CELA2B: variants seen among roughly 807,000 people sequenced by gnomAD.
CELA2B encodes chymotrypsin-like elastase family member 2B.
A neutral mutation model predicts 36.5 loss-of-function variants in CELA2B; 27 were observed. The ratio of observed to expected loss-of-function variants is 0.74; its 90% CI spans 0.55 to 1.02. CELA2B has a LOEUF of 1.02. Ranked by LOEUF, CELA2B falls within the 50% of genes least tolerant of loss-of-function variation. The probability of loss-of-function intolerance (pLI) is 0.00; values close to 1 mark genes in which losing one functional copy is unlikely to be tolerated. For synonymous variants in CELA2B, 143 were observed against 148.5 expected (o/e 0.96, Z 0.27); for missense variants, 340 against 347.8 (o/e 0.98, Z 0.18).
At chr1:15,478,241 G>T (rs1708697020) in intron 2 of CELA2B, among the ~76,000 whole-genome samples, 1 of 148,996 alleles carries the variant, frequency 6.7e-6, no homozygotes, top group Non-Finnish European at 1.5e-5. Flanking sequence ...TTGTTTGTTT[G>T]TTTGTTTTTG....
rs371863649 is a variant in CELA2B at position 15,482,301 on chromosome 1, TA to T, written c.266del (p.Asn89ThrfsTer85). 1.6e-4 allele frequency: 258 copies of T among 1,614,112 alleles called. 1 individual carries two copies. In the East Asian group the frequency reaches 3.2e-3, roughly 20 times the overall value. On this transcript the variant is annotated frameshift_variant, in exon 4 of 8. Transcript: ENST00000375910. LOFTEE classifies it high-confidence loss of function. Reference protein sequence around the residue: ...GIYRVMLGQHNLYVAESGSLA... With the variant: ...GIYRVMLGQHXLYVAESGSLA... ...TCTACCGCGTGATGCTGGGCCAGCATAACCTCTACGTTGCAGAGTCCGGCTC... is the reference window on the plus strand; with the variant it reads ...TCTACCGCGTGATGCTGGGCCAGCATACCTCTACGTTGCAGAGTCCGGCTC...
At chr1:15,482,655 G>A (rs528602180) in intron 4 of CELA2B, among the ~76,000 whole-genome samples, 75 of 152,274 alleles carry the variant, frequency 4.9e-4, no homozygotes, top group Non-Finnish European at 7.9e-4. Context: ...CGCTGAGTGT[G>A]TATCTACTTC....
intron 4 of CELA2B, 90 bp from the exon 5 acceptor site, chr1:15,483,174 G>A (rs1187303327): frequency 2.5e-6 from 4 of 1,579,532 alleles, no homozygotes; most frequent in Non-Finnish European, 2.6e-6. Context: ...TAACGTACAG[G>A]GAAGATGACA....
At chr1:15,482,835 TA>T (rs1708759016) in intron 4 of CELA2B, among the ~76,000 whole-genome samples, 1 of 152,058 alleles carries the variant, frequency 6.6e-6, no homozygotes, top group Non-Finnish European at 1.5e-5. Context: ...ACCCAGGCTG[TA>T]GTGCAGTAGC....
chr1:15,489,171 T>C (rs539811082), intron 7 of CELA2B, among the ~76,000 whole-genome samples: 65 of 152,358 alleles, frequency 4.3e-4, no homozygotes, highest in African/African-American at 1.5e-3. Flanking sequence ...CAGCTGGTCC[T>C]GGCAGCATCC....
chr1:15,488,878 G>A (rs539897076), intron 7 of CELA2B, among the ~76,000 whole-genome samples: 1 of 152,312 alleles, frequency 6.6e-6, no homozygotes, highest in African/African-American at 2.4e-5. Context: ...TTGTTCATTT[G>A]TCTGTCTGCT....
chr1:15,476,365 G>T (rs1361266978), intron 1 of CELA2B, 92 bp from the exon 2 acceptor site: 12 of 1,456,228 alleles, frequency 8.2e-6, no homozygotes, highest in Middle Eastern at 1.8e-4. Context: ...TAGAACAAGG[G>T]TTTTCTATTT....
rs532300622 is a variant in CELA2B, at chr1:15,477,838, G to T, written c.129+1293G>T. On this transcript the variant is annotated intron_variant, in intron 2 of 7. Transcript: ENST00000375910. ...AAATTTCACTATTGCAAACATAATTGATATAAACTGCTTTAGGAGCAAACC... is the reference window on the plus strand; with the variant it reads ...AAATTTCACTATTGCAAACATAATTTATATAAACTGCTTTAGGAGCAAACC... Among the ~76,000 whole-genome samples the T allele has an allele frequency of 1.2e-3, 184 of 152,236 alleles. 1 individual carries two copies. The highest frequency in any genetic ancestry group is 4.2e-3 in the African/African-American group (176 of 41,538).
At chr1:15,487,980 C>CT (rs3060900) in intron 7 of CELA2B, among the ~76,000 whole-genome samples, 1 of 151,864 alleles carries the variant, frequency 6.6e-6, no homozygotes, top group East Asian at 1.9e-4. Flanking sequence ...AGTTGGTCCC[C>CT]GTCTTGTAAA....
intron 4 of CELA2B, 65 bp from the exon 5 acceptor site, chr1:15,483,198 CT>C: frequency 6.2e-7 from 1 of 1,604,350 alleles, no homozygotes. Context: ...TCTCCAAGCC[CT>C]CCAAAGCCCC....
intron 2 of CELA2B, among the ~76,000 whole-genome samples, 163 bp downstream of exon 2, chr1:15,476,708 C>G (rs1176903943): frequency 6.6e-6 from 1 of 152,178 alleles, no homozygotes; most frequent in Non-Finnish European, 1.5e-5. Context: ...TCCAGCTGGG[C>G]ACAGTGGCTC....
chr1:15,480,736 A>G (rs936553478), intron 2 of CELA2B, among the ~76,000 whole-genome samples: 1 of 152,096 alleles, frequency 6.6e-6, no homozygotes, highest in African/African-American at 2.4e-5. Context: ...TATGGGAACT[A>G]TAATTCAGGA....
At chr1:15,487,180 G>A (rs1458201129) in intron 6 of CELA2B, 105 bp from the exon 7 acceptor site, 3 of 1,088,472 alleles carry the variant, frequency 2.8e-6, no homozygotes, top group Non-Finnish European at 2.8e-6. Flanking sequence ...CAGCTTCAGA[G>A]GACAGTGACC....
chr1:15,481,308 T>A, intron 3 of CELA2B, 113 bp downstream of exon 3: 1 of 1,254,760 alleles, frequency 8.0e-7, no homozygotes, highest in Non-Finnish European at 1.2e-6. Context: ...AAATAACCAC[T>A]AGCCTGGCCG....
chr1:15,476,470 G>T lies in CELA2B; in HGVS notation c.54G>T (p.Gly18=), dbSNP rs566478686. 1 of 1,614,048 alleles carries T rather than the reference G, an allele frequency of 6.2e-7. No individual in the cohort carries two copies. The highest frequency in any genetic ancestry group is 1.3e-5 in the African/African-American group (1 of 74,998). ...STLVAGALSC[G]VSTYAPDMSR... is the part of the protein sequence containing the mutation. ...CTCTTTTCACAGCCCTCAGTTGTGG[G>T]GTCTCCACTTACGCGCCTGATATGT... Residue 18 remains glycine, a synonymous_variant, in exon 2 of 8, where the codon GGG becomes GGT. Coordinates refer to ENST00000375910, the MANE Select transcript of CELA2B (RefSeq NM_015849.3).
intron 5 of CELA2B, 96 bp downstream of exon 5, chr1:15,483,496 C>T: frequency 1.3e-6 from 2 of 1,575,412 alleles, no homozygotes; most frequent in Non-Finnish European, 1.7e-6. Flanking sequence ...TTATCCTGGG[C>T]ATGTGGCTGC....
At position 15,491,045 on chromosome 1, in the gene CELA2B, A is replaced by C. The variant is rs572147767; in HGVS notation, c.793-250A>C. 1.5e-3 allele frequency: 817 copies of C among 528,992 alleles called. 3 individuals are homozygous for C. The highest frequency in any genetic ancestry group is 0.01 in the African/African-American group (548 of 52,698). The allele number at this position is 528,992 out of a possible 1,614,324, so 32.8% of individuals were successfully genotyped here. On this transcript the variant is annotated intron_variant, in intron 7 of 7. Transcript: ENST00000375910. ...TTTTAGGGGGTTCGAAGGCCCCCTG[A>C]CCTGAAGCCCACACAGGACTCCTGG...
intron 7 of CELA2B, chr1:15,490,865 CAAAAA>C (rs34648160): frequency 2.5e-5 from 3 of 119,386 alleles, no homozygotes; most frequent in South Asian, 1.7e-4. Flanking sequence ...AAGACTGTCT[CAAAAA>C]AAAAAAAAAA....
intron 7 of CELA2B, among the ~76,000 whole-genome samples, chr1:15,488,976 T>C (rs1708839394): frequency 6.6e-6 from 1 of 152,166 alleles, no homozygotes; most frequent in Non-Finnish European, 1.5e-5. Flanking sequence ...ACAGTAGCCA[T>C]TAATCATTAA....
Sources: allele counts gnomAD v4.1 joint callset (sites outside exome capture counted in the v4.1 genomes callset), GRCh38; gene constraint gnomAD v4.1.1; transcripts MANE v1.5; gene names NCBI Gene and HGNC (gene_info 2026-07-23, HGNC 2026-07-21).